TPX2: variants seen among roughly 807,000 people sequenced by gnomAD.
The protein encoded by TPX2 is TPX2 microtubule nucleation factor, also known as targeting protein for Xklp2.
A neutral mutation model predicts 93.6 loss-of-function variants in TPX2; 21 were observed. The observed-to-expected ratio is 0.22, with a 90% CI of 0.16 to 0.32. The LOEUF is 0.32. Among genes scored for constraint, TPX2 ranks in the 10% least tolerant of loss-of-function variants. The pLI is 1.00. For missense variants in TPX2, 776 were observed against 871.1 expected (o/e 0.89, Z 1.37); for synonymous variants, 281 against 298.3 (o/e 0.94, Z 0.60).
chr20:31,739,822 G>A (rs2061743661), intron 1 of TPX2, among the ~76,000 whole-genome samples: 1 of 152,196 alleles, frequency 6.6e-6, no homozygotes, highest in Non-Finnish European at 1.5e-5. Context: ...CGAGAAATGG[G>A]TGATACAGTA....
chr20:31,798,343 T>A (rs1050400959), intron 16 of TPX2, 22 bp from the exon 17 acceptor site: 1 of 1,613,762 alleles, frequency 6.2e-7, no homozygotes, highest in Admixed American at 1.7e-5. Flanking sequence ...TGCACCAATA[T>A]TTTTTCTGTT....
chr20:31,751,829 G>A (rs745736487), intron 2 of TPX2, among the ~76,000 whole-genome samples: 1 of 152,132 alleles, frequency 6.6e-6, no homozygotes, highest in Non-Finnish European at 1.5e-5. Flanking sequence ...TGCAACCTTC[G>A]CCTCCTGGGT....
chr20:31,798,261 T>A, intron 16 of TPX2, 104 bp from the exon 17 acceptor site: 1 of 1,397,598 alleles, frequency 7.2e-7, no homozygotes, highest in Non-Finnish European at 1.0e-6. Flanking sequence ...TAGAGCACAG[T>A]CTTCCTGTTA....
At chr20:31,780,101 G>C (rs2062024168) in intron 10 of TPX2, among the ~76,000 whole-genome samples, 2 of 152,138 alleles carry the variant, frequency 1.3e-5, no homozygotes, top group African/African-American at 4.8e-5. Flanking sequence ...ACCCAGGCTG[G>C]AGTGCAGTGG....
chr20:31,753,525 A>G (rs1295586569), intron 2 of TPX2, among the ~76,000 whole-genome samples: 1 of 152,170 alleles, frequency 6.6e-6, no homozygotes, highest in Non-Finnish European at 1.5e-5. Flanking sequence ...TTAAGTTAAT[A>G]TCTTATAGAC....
chr20:31,794,313 T>A, intron 14 of TPX2, 89 bp from the exon 15 acceptor site: 1 of 1,511,218 alleles, frequency 6.6e-7, no homozygotes, highest in Non-Finnish European at 8.9e-7. Flanking sequence ...GTTTCCTTCC[T>A]TATTTTTCAG....
intron 2 of TPX2, among the ~76,000 whole-genome samples, chr20:31,752,044 A>AT (rs894463768): frequency 4.0e-5 from 6 of 150,948 alleles, no homozygotes; most frequent in African/African-American, 9.7e-5. Context: ...TGCCTGGCCT[A>AT]TTTTTTTTTA....
chr20:31,757,033 G>A (rs1430893792), intron 2 of TPX2, among the ~76,000 whole-genome samples: 1 of 152,028 alleles, frequency 6.6e-6, no homozygotes, highest in Non-Finnish European at 1.5e-5. Context: ...ACTACTTACA[G>A]ATAATTTTTA....
At chr20:31,787,482 A>G (rs1220025033) in intron 12 of TPX2, among the ~76,000 whole-genome samples, 2 of 151,842 alleles carry the variant, frequency 1.3e-5, no homozygotes, top group Non-Finnish European at 2.9e-5. Flanking sequence ...AGGGGTGCAA[A>G]CCAAAAAGTA....
chr20:31,793,834 A>T lies in TPX2; in HGVS notation c.1510-14A>T. 2.6e-6 allele frequency: 4 copies of T among 1,554,084 alleles called. No individual in the cohort carries two copies. In the South Asian group the frequency reaches 4.9e-5, roughly 19 times the overall value. ...GTGAGGAGTCTTATTTCTAAACTGC[A>T]ATTTTTTCCCTAGGAAGAGGACGAA... On this transcript the variant is annotated splice_polypyrimidine_tract_variant and intron_variant, in intron 13 of 17. Transcript: ENST00000300403.
At chr20:31,775,810 G>A in intron 7 of TPX2, 57 bp from the exon 8 acceptor site, 1 of 1,402,106 alleles carries the variant, frequency 7.1e-7, no homozygotes, top group Non-Finnish European at 9.3e-7. Context: ...AGATTCTTTT[G>A]AGTCACTGGG....
intron 7 of TPX2, among the ~76,000 whole-genome samples, chr20:31,774,478 C>T (rs980145180): frequency 6.6e-6 from 1 of 151,964 alleles, no homozygotes; most frequent in Non-Finnish European, 1.5e-5. Flanking sequence ...ATTTTCCTTA[C>T]TAAGAATGGA....
chr20:31,794,162 C>A, intron 14 of TPX2, 138 bp downstream of exon 14: 1 of 1,106,580 alleles, frequency 9.0e-7, no homozygotes, highest in South Asian at 1.8e-5. Context: ...ATAAATGGGA[C>A]AAGTAATTTA....
intron 3 of TPX2, among the ~76,000 whole-genome samples, chr20:31,759,239 A>G (rs368498643): frequency 7.2e-5 from 11 of 152,180 alleles, no homozygotes; most frequent in African/African-American, 2.4e-4. Context: ...TTCTGGGCAC[A>G]GTAGAATCTA....
At chr20:31,766,794 ACTT>A in intron 5 of TPX2, 112 bp downstream of exon 5, 1 of 795,824 alleles carries the variant, frequency 1.3e-6, no homozygotes, top group Non-Finnish European at 1.6e-6. Flanking sequence ...CCTTTATGTT[ACTT>A]TTTTTTTTTT....
At chr20:31,768,298 C>T (rs1254179665) in intron 5 of TPX2, among the ~76,000 whole-genome samples, 8 of 147,530 alleles carry the variant, frequency 5.4e-5, no homozygotes, top group African/African-American at 1.5e-4. Flanking sequence ...GTGCAGTGGG[C>T]GATCTTGGCT....
chr20:31,766,183 A>G (rs1248600306), intron 4 of TPX2, among the ~76,000 whole-genome samples: 1 of 152,074 alleles, frequency 6.6e-6, no homozygotes, highest in African/African-American at 2.4e-5. Context: ...ATTTTTATGT[A>G]TTGCTGATGA....
intron 1 of TPX2, among the ~76,000 whole-genome samples, chr20:31,740,517 A>T (rs570760868): frequency 6.6e-6 from 1 of 152,342 alleles, no homozygotes; most frequent in Non-Finnish European, 1.5e-5. Flanking sequence ...GATCAAAATT[A>T]TGTGGCTGTC....
chr20:31,768,316 A>G (rs1450635059), intron 5 of TPX2, among the ~76,000 whole-genome samples: 1 of 144,342 alleles, frequency 6.9e-6, no homozygotes, highest in African/African-American at 2.6e-5. Flanking sequence ...GCTCACTGCA[A>G]CCTCCGCCTC....
Sources: gnomAD v4.1 joint callset for allele counts (sites outside exome capture counted in the v4.1 genomes callset) on GRCh38, gnomAD v4.1.1 for gene constraint, MANE v1.5 for transcripts, NCBI Gene and HGNC (gene_info 2026-07-23, HGNC 2026-07-21) for gene names.